PAIP2: variants seen among roughly 807,000 people sequenced by gnomAD.
The protein encoded by PAIP2 is poly(A) binding protein interacting protein 2.
Under a neutral mutation model 14.8 loss-of-function variants are expected in PAIP2, and 7 were observed. The observed-to-expected ratio is 0.47, with a 90% CI of 0.27 to 0.89. PAIP2 has a LOEUF of 0.89. Among genes scored for constraint, PAIP2 ranks in the 40% least tolerant of loss-of-function variants. PAIP2 has a pLI of 0.13. For missense variants in PAIP2, 122 were observed against 154.7 expected (o/e 0.79, Z 1.12); for synonymous variants, 47 against 45.3 (o/e 1.04, Z -0.15).
Position 139,369,337 on chromosome 5 carries a change from A to G in PAIP2, c.*539A>G, listed in dbSNP as rs373292767. 6.5e-6 allele frequency: 1 copy of G among 152,844 alleles called. No homozygotes were observed. The highest frequency in any genetic ancestry group is 2.1e-4 in the South Asian group (1 of 4,838). The allele number at this position is 152,844 out of a possible 1,614,324, so 9.5% of individuals were successfully genotyped here. Reference sequence around the variant, plus strand: ...GAGTGCCAGTCCAGCCTTTTCTGGTATGTTATTGTTAGAAATATTGAGTTC... The same window carrying G: ...GAGTGCCAGTCCAGCCTTTTCTGGTGTGTTATTGTTAGAAATATTGAGTTC... On this transcript the variant is annotated 3_prime_UTR_variant, in exon 4 of 4. Coordinates refer to ENST00000265192, the MANE Select transcript of PAIP2 (RefSeq NM_016480.5).
intron 1 of PAIP2, among the ~76,000 whole-genome samples, chr5:139,346,553 A>G (rs564136428): frequency 2.1e-3 from 310 of 148,218 alleles, no homozygotes; most frequent in Non-Finnish European, 3.8e-3. Flanking sequence ...ATTTTTTGAG[A>G]TGCAGTCTCC....
At chr5:139,365,252 G>A (rs778588173) in intron 3 of PAIP2, among the ~76,000 whole-genome samples, 2 of 151,794 alleles carry the variant, frequency 1.3e-5, no homozygotes, top group African/African-American at 2.4e-5. Flanking sequence ...TTGGGAGGCC[G>A]AGGTGGGTGG....
chr5:139,349,156 C>T (rs1321776989), intron 1 of PAIP2, among the ~76,000 whole-genome samples: 1 of 152,190 alleles, frequency 6.6e-6, no homozygotes. Flanking sequence ...TTTTAAAGGG[C>T]TTGCCTTGGC....
chr5:139,360,155 C>T (rs1469247666), intron 1 of PAIP2, among the ~76,000 whole-genome samples: 6 of 151,364 alleles, frequency 4.0e-5, no homozygotes, highest in Admixed American at 1.3e-4. Flanking sequence ...TTAGTAGAGA[C>T]GGGATTTCAC....
At chr5:139,360,863 C>T (rs892912161) in intron 1 of PAIP2, among the ~76,000 whole-genome samples, 3 of 152,114 alleles carry the variant, frequency 2.0e-5, no homozygotes, top group African/African-American at 7.2e-5. Context: ...TCTCTGCAAC[C>T]TCTGCCTCCC....
At chr5:139,366,920 T>G (rs1031564587) in intron 3 of PAIP2, among the ~76,000 whole-genome samples, 4 of 151,984 alleles carry the variant, frequency 2.6e-5, no homozygotes, top group African/African-American at 9.7e-5. Flanking sequence ...GTTAGCTGGG[T>G]GTGGTGGCAC....
At chr5:139,368,266 G>A (rs1369200352) in intron 3 of PAIP2, among the ~76,000 whole-genome samples, 1 of 152,116 alleles carries the variant, frequency 6.6e-6, no homozygotes, top group Non-Finnish European at 1.5e-5. Context: ...TGTGAACCCG[G>A]GAGGCGGAGC....
intron 1 of PAIP2, among the ~76,000 whole-genome samples, chr5:139,362,745 T>C (rs1757107550): frequency 6.6e-6 from 1 of 151,804 alleles, no homozygotes. Context: ...GGTTTCACCA[T>C]GTTAGGCTGG....
chr5:139,347,317 A>G (rs754015815), intron 1 of PAIP2, among the ~76,000 whole-genome samples: 5 of 125,626 alleles, frequency 4.0e-5, no homozygotes, highest in African/African-American at 1.2e-4. Flanking sequence ...TCTGTCGCCC[A>G]GGCTGGAGTG....
intron 1 of PAIP2, among the ~76,000 whole-genome samples, chr5:139,356,898 A>T (rs1225298915): frequency 1.3e-5 from 2 of 152,048 alleles, no homozygotes; most frequent in Non-Finnish European, 2.9e-5. Flanking sequence ...AGAAAAAAAA[A>T]AAAAAAAAAA....
At chr5:139,351,928 C>A (rs1756746391) in intron 1 of PAIP2, among the ~76,000 whole-genome samples, 1 of 152,178 alleles carries the variant, frequency 6.6e-6, no homozygotes, top group Admixed American at 6.5e-5. Context: ...CACTTCAATG[C>A]TTGCTTTCCT....
chr5:139,354,637 A>G (rs375791028), intron 1 of PAIP2, among the ~76,000 whole-genome samples: 3 of 152,096 alleles, frequency 2.0e-5, no homozygotes, highest in East Asian at 3.9e-4. Flanking sequence ...TCCATTGTAT[A>G]TATTTTGGCA....
chr5:139,347,305 G>A (rs1211631496), intron 1 of PAIP2, among the ~76,000 whole-genome samples: 6 of 111,100 alleles, frequency 5.4e-5, no homozygotes, highest in East Asian at 2.8e-4. Context: ...ACACAGTTCC[G>A]CTCTGTCGCC....
intron 1 of PAIP2, among the ~76,000 whole-genome samples, chr5:139,361,486 TC>T (rs1287834790): frequency 2.0e-5 from 3 of 152,172 alleles, no homozygotes; most frequent in Non-Finnish European, 4.4e-5. Context: ...TTTATGTAAA[TC>T]TATTTTTAGT....
chr5:139,364,294 C>T (rs992394691), intron 2 of PAIP2, among the ~76,000 whole-genome samples: 2 of 152,044 alleles, frequency 1.3e-5, no homozygotes, highest in Non-Finnish European at 2.9e-5. Context: ...CAGACAGGCA[C>T]AGAAAAAAGA....
intron 3 of PAIP2, 63 bp downstream of exon 3, chr5:139,364,806 G>A (rs1757168234): frequency 9.3e-7 from 1 of 1,074,012 alleles, no homozygotes; most frequent in Admixed American, 2.1e-5. Flanking sequence ...GGAAAAGCCA[G>A]CTCCCATCTA....
At chr5:139,342,336 C>A in intron 1 of PAIP2, 1 of 152,334 alleles carries the variant, frequency 6.6e-6, no homozygotes, top group Non-Finnish European at 1.5e-5. Context: ...TTCCCCTGCC[C>A]CCCTCCCACC....
rs199645765 is a variant in PAIP2, at chr5:139,363,848, G to A, written c.64G>A (p.Gly22Ser). The change falls in exon 2 of 4, where the codon GGT becomes AGT. Residue 22 changes from glycine to serine, a missense_variant. Physicochemically the swap from Gly to Ser is moderately conservative, Grantham distance 56. This residue lies in a region of PAIP2 where 42 missense variants were observed against 36.7 expected (regional missense o/e 1.15). Coordinates refer to ENST00000265192, the MANE Select transcript of PAIP2 (RefSeq NM_016480.5). ...CATCAATGAAGATGTGATTATTAAC[G>A]GTCATTCTCATGAAGATGACAATCC... Reference protein sequence around the residue: ...SIINEDVIINGHSHEDDNPFA... With the variant: ...SIINEDVIINSHSHEDDNPFA... The A allele has an allele frequency of 1.2e-6, 2 of 1,613,564 alleles. No homozygotes were observed. The highest frequency in any genetic ancestry group is 4.5e-5 in the East Asian group (2 of 44,878).
At chr5:139,352,005 G>A (rs1273198934) in intron 1 of PAIP2, among the ~76,000 whole-genome samples, 1 of 152,000 alleles carries the variant, frequency 6.6e-6, no homozygotes, top group South Asian at 2.1e-4. Context: ...AATACTGAAA[G>A]CATAAAGTGA....
Sources: gnomAD v4.1 joint callset for allele counts (sites outside exome capture counted in the v4.1 genomes callset) on GRCh38, gnomAD v4.1.1 for gene constraint, gnomAD v4.1.1 regional missense constraint, MANE v1.5 for transcripts, NCBI Gene and HGNC (gene_info 2026-07-23, HGNC 2026-07-21) for gene names.